Variants in NOTCH2 observed in about 807,000 individuals in gnomAD.
NOTCH2 encodes the protein notch receptor 2, also known as neurogenic locus notch homolog protein 2.
In NOTCH2, 29 loss-of-function variants were observed where a neutral mutation model predicts 235.8. That is an observed-to-expected ratio of 0.12 (90% confidence interval 0.09 to 0.17). NOTCH2 has a LOEUF of 0.17. Ranked by LOEUF, NOTCH2 falls within the 10% of genes least tolerant of loss-of-function variation. The pLI is 1.00. For synonymous variants in NOTCH2, 1,086 were observed against 1,141.5 expected (o/e 0.95, Z 0.98); for missense variants, 2,285 against 3,150.2 (o/e 0.73, Z 6.57).
chr1:119,985,856 C>T (rs994720948), intron 5 of NOTCH2, among the ~76,000 whole-genome samples: 1 of 150,982 alleles, frequency 6.6e-6, no homozygotes, highest in Non-Finnish European at 1.5e-5. Flanking sequence ...GATCAAGACA[C>T]CATGAAGAAA....
intron 33 of NOTCH2, among the ~76,000 whole-genome samples, chr1:119,917,248 AG>A (rs1386931339): frequency 6.6e-6 from 1 of 152,030 alleles, no homozygotes; most frequent in Non-Finnish European, 1.5e-5. Flanking sequence ...GAATGAGAGA[AG>A]GAAGCAGGAC....
At chr1:119,953,757 G>A (rs1553198111) in intron 13 of NOTCH2, 69 bp from the exon 14 acceptor site, 1 of 1,376,568 alleles carries the variant, frequency 7.3e-7, no homozygotes, top group Non-Finnish European at 1.0e-6. Flanking sequence ...GTGAAATACA[G>A]GACTTGGTGA....
intron 1 of NOTCH2, chr1:120,069,131 G>A (rs1328504211): frequency 5.2e-6 from 8 of 1,526,022 alleles, no homozygotes; most frequent in African/African-American, 1.4e-5. Context: ...GAGCAGAGGC[G>A]GCGGGGAACC....
In NOTCH2 at chr1:119,935,460, A is replaced by T. The variant is rs1553195617; in HGVS notation, c.3655+12T>A. The T allele has an allele frequency of 3.5e-5, 57 of 1,614,090 alleles. No individual in the cohort carries two copies. Among genetic ancestry groups the T allele is most frequent in the Non-Finnish European group, 4.2e-5 (49 of 1,180,026 alleles). ...TGCCCTGGATGGAAAATGGATAAGG[A>T]TGATTTCATACCCCGAGTGCCTGGT... On this transcript the variant is annotated intron_variant, in intron 22 of 33. Coordinates refer to ENST00000256646, the MANE Select transcript of NOTCH2 (RefSeq NM_024408.4).
At chr1:120,064,830 A>G (rs587744930) in intron 1 of NOTCH2, among the ~76,000 whole-genome samples, 289 of 150,590 alleles carry the variant, frequency 1.9e-3, no homozygotes, top group African/African-American at 6.9e-3. Flanking sequence ...TATCCAACTC[A>G]ATGAAAAAAA....
At chr1:120,061,341 C>CA (rs200420620) in intron 1 of NOTCH2, among the ~76,000 whole-genome samples, 6,979 of 128,558 alleles carry the variant, frequency 0.054, 15 homozygotes, top group African/African-American at 0.15. Flanking sequence ...AATCTTCTCA[C>CA]AAAAAAAAAG....
chr1:119,928,319 T>C (rs973696090), intron 23 of NOTCH2, among the ~76,000 whole-genome samples: 6 of 152,214 alleles, frequency 3.9e-5, no homozygotes, highest in Admixed American at 6.5e-5. Context: ...TTTCATTTCA[T>C]ACCCACATCA....
At chr1:119,982,033 G>C (rs1293634715) in intron 5 of NOTCH2, among the ~76,000 whole-genome samples, 2 of 151,882 alleles carry the variant, frequency 1.3e-5, no homozygotes, top group African/African-American at 4.8e-5. Flanking sequence ...GAGACAGGAA[G>C]ATCTAGCTCA....
At chr1:119,954,314 G>A (rs1248952488) in intron 13 of NOTCH2, among the ~76,000 whole-genome samples, 2 of 152,210 alleles carry the variant, frequency 1.3e-5, no homozygotes, top group African/African-American at 4.8e-5. Context: ...TTAAGAAAAT[G>A]AGAGATGGAT....
intron 2 of NOTCH2, among the ~76,000 whole-genome samples, chr1:120,009,810 T>C (rs1653114287): frequency 6.7e-6 from 1 of 149,926 alleles, no homozygotes; most frequent in Admixed American, 6.6e-5. Context: ...GATTGCTGAT[T>C]TCTCCTTCTT....
intron 18 of NOTCH2, 21 bp from the exon 19 acceptor site, chr1:119,940,777 C>T (rs1553196366): frequency 6.2e-7 from 1 of 1,602,890 alleles, no homozygotes. Context: ...AACAGAGCAA[C>T]ATCAGCTATG....
rs1188347930 is a variant in NOTCH2 at position 120,042,007 on chromosome 1, G to A, written c.74-12020C>T. On this transcript the variant is annotated intron_variant, in intron 1 of 33. Coordinates refer to ENST00000256646, the MANE Select transcript of NOTCH2 (RefSeq NM_024408.4). Reference sequence around the variant, plus strand: ...AAAGGGAAAGAGAGAAAGAGCAAGCGAGCGAGCGAACGAGCAGATGCCCTG... The same window carrying A: ...AAAGGGAAAGAGAGAAAGAGCAAGCAAGCGAGCGAACGAGCAGATGCCCTG... 2.5e-4 allele frequency among the ~76,000 whole-genome samples: 37 copies of A among 146,106 alleles called. 1 individual carries two copies. Among genetic ancestry groups the A allele is most frequent in the Non-Finnish European group, 3.9e-4 (26 of 67,488 alleles).
rs782527466 is a variant in NOTCH2 at position 120,048,445 on chromosome 1, CTTTTTTT to C, written c.74-18465_74-18459del. Among the ~76,000 whole-genome samples the C allele has an allele frequency of 5.4e-4, 54 of 100,404 alleles. 5 individuals are homozygous for C. Among genetic ancestry groups the C allele is most frequent in the South Asian group, 2.4e-3 (7 of 2,928 alleles). 65.9% of individuals were successfully genotyped at this position (100,404 alleles called of 152,430 possible). A position where few individuals can be genotyped will look rare whatever the true frequency, so the allele number is the denominator to read the frequency against. ...TGGCAATTAGACAGGCCCAATACCA[CTTTTTTT>C]TTTTTTTTTTTTTGGAGACAGGATC... On this transcript the variant is annotated intron_variant, in intron 1 of 33. Coordinates refer to ENST00000256646, the MANE Select transcript of NOTCH2 (RefSeq NM_024408.4).
chr1:119,928,963 G>C lies in NOTCH2; in HGVS notation c.3892+13C>G. On this transcript the variant is annotated intron_variant, in intron 23 of 33. Transcript: ENST00000256646. ...CCAAGGCAGAGTGGCCAGGAGGCTAGAGAGCTTCTCACCAGTAAAGGCACT... is the reference window on the plus strand; with the variant it reads ...CCAAGGCAGAGTGGCCAGGAGGCTACAGAGCTTCTCACCAGTAAAGGCACT... 1 of 1,609,992 alleles carries C rather than the reference G, an allele frequency of 6.2e-7. No individual in the cohort carries two copies.
chr1:119,953,313 C>CAAAA (rs10695258), intron 14 of NOTCH2, among the ~76,000 whole-genome samples: 2 of 143,892 alleles, frequency 1.4e-5, no homozygotes, highest in African/African-American at 2.5e-5. Context: ...AACTCTGTGT[C>CAAAA]AAAAAAAAAA....
rs781993783 is a variant in NOTCH2 at position 119,937,510 on chromosome 1, A to G, written c.3338-44T>C. 7.6e-6 allele frequency: 12 copies of G among 1,572,066 alleles called. No homozygotes were observed. In the Admixed American group the frequency reaches 1.8e-4, roughly 23 times the overall value. On this transcript the variant is annotated intron_variant, in intron 20 of 33. Transcript: ENST00000256646. Reference sequence around the variant, plus strand: ...GAGAAATGTCATAGAAGAACATGTGACACATGGGGTTCAAATCAACCAATG... The same window carrying G: ...GAGAAATGTCATAGAAGAACATGTGGCACATGGGGTTCAAATCAACCAATG...
chr1:119,928,110 C>A (rs587699242), intron 23 of NOTCH2, among the ~76,000 whole-genome samples: 1 of 152,308 alleles, frequency 6.6e-6, no homozygotes, highest in East Asian at 1.9e-4. Context: ...CATCTGGATA[C>A]AAACAACTAT....
At chr1:119,995,945 C>A (rs1652429321) in intron 4 of NOTCH2, 1 of 152,406 alleles carries the variant, frequency 6.6e-6, no homozygotes, top group Non-Finnish European at 1.5e-5. Context: ...ACCATATCCA[C>A]AATACCAGAA....
intron 5 of NOTCH2, among the ~76,000 whole-genome samples, chr1:119,978,768 A>AG: frequency 1.3e-5 from 2 of 152,046 alleles, no homozygotes; most frequent in South Asian, 4.2e-4. Context: ...GTTTACATAA[A>AG]AGCCCCTCAC....
Sources: allele counts gnomAD v4.1 joint callset (sites outside exome capture counted in the v4.1 genomes callset), GRCh38; gene constraint gnomAD v4.1.1; transcripts MANE v1.5; gene names NCBI Gene and HGNC (gene_info 2026-07-23, HGNC 2026-07-21).